FBXO38: variants seen among roughly 807,000 people sequenced by gnomAD.
FBXO38 encodes the protein F-box only protein 38.
Under a neutral mutation model 131.9 loss-of-function variants are expected in FBXO38, and 53 were observed. The observed-to-expected ratio is 0.40, with a 90% CI of 0.32 to 0.51. The LOEUF is 0.51. Among genes scored for constraint, FBXO38 ranks in the 20% least tolerant of loss-of-function variants. The pLI, the probability that FBXO38 is intolerant of heterozygous loss-of-function variation, is 0.53. For synonymous variants in FBXO38, 452 were observed against 505.6 expected (o/e 0.89, Z 1.42); for missense variants, 1,076 against 1,475.6 (o/e 0.73, Z 4.44).
chr5:148,417,646 T>C (rs1753139859), intron 12 of FBXO38, among the ~76,000 whole-genome samples: 1 of 152,158 alleles, frequency 6.6e-6, no homozygotes, highest in African/African-American at 2.4e-5. Flanking sequence ...AATCATTAGG[T>C]CTTCACTTCC....
intron 2 of FBXO38, among the ~76,000 whole-genome samples, chr5:148,398,012 G>A (rs1217333711): frequency 6.6e-6 from 1 of 152,098 alleles, no homozygotes; most frequent in Non-Finnish European, 1.5e-5. Flanking sequence ...TAGAAAGGCA[G>A]CATTGCCACC....
chr5:148,402,077 G>T lies in FBXO38; in HGVS notation c.358G>T (p.Val120Leu), dbSNP rs2113532084. The T allele has an allele frequency of 6.2e-7, 1 of 1,613,742 alleles. No individual in the cohort carries two copies. Among genetic ancestry groups the T allele is most frequent in the Non-Finnish European group, 8.5e-7 (1 of 1,179,690 alleles). Residue 120 changes from valine to leucine, a missense_variant, in exon 4 of 22, where the codon GTA becomes TTA. Val to Leu is a conservative substitution (Grantham distance 32, BLOSUM62 1). Transcript: ENST00000340253. ...CCCTCGATACCTTGAGAGGCGAAGA[G>T]TAAGGGGCCATGAGGCTTTTAGCAT... ...LHPRYLERRR[V>L]RGHEAFSIPG...
At chr5:148,433,552 A>C (rs1754164181) in intron 16 of FBXO38, 28 bp downstream of exon 16, 1 of 1,576,572 alleles carries the variant, frequency 6.3e-7, no homozygotes, top group Admixed American at 1.7e-5. Flanking sequence ...ACTTACCTTT[A>C]TCACAGTCTA....
intron 12 of FBXO38, among the ~76,000 whole-genome samples, chr5:148,421,602 T>C (rs536602445): frequency 2.1e-5 from 3 of 139,930 alleles, no homozygotes; most frequent in Admixed American, 7.1e-5. Context: ...TATTGATATT[T>C]GATTCTAAGT....
chr5:148,399,139 G>A lies in FBXO38; in HGVS notation c.262+7G>A, dbSNP rs2113522185. On this transcript the variant is annotated splice_region_variant and intron_variant, in intron 3 of 21. Coordinates refer to ENST00000340253, the MANE Select transcript of FBXO38 (RefSeq NM_205836.3). The stretch of plus-strand genomic sequence containing the variant: ...TGGGAATACATGCCAAGTGGTAAGT[G>A]GATTTAGTCTGTGAAGTACAGTAGT... 1 of 1,612,628 alleles carries A rather than the reference G, an allele frequency of 6.2e-7. No individual in the cohort carries two copies. The highest frequency in any genetic ancestry group is 8.5e-7 in the Non-Finnish European group (1 of 1,179,176).
intron 2 of FBXO38, among the ~76,000 whole-genome samples, chr5:148,397,968 A>G (rs1037677719): frequency 1.3e-5 from 2 of 152,178 alleles, no homozygotes; most frequent in South Asian, 2.1e-4. Context: ...CAAGTAAGGG[A>G]TGATGAAGAA....
intron 17 of FBXO38, among the ~76,000 whole-genome samples, chr5:148,435,830 G>GA (rs1306883254): frequency 6.6e-6 from 1 of 152,160 alleles, no homozygotes; most frequent in Non-Finnish European, 1.5e-5. Flanking sequence ...TGAACACTTA[G>GA]AGGCCATTGT....
chr5:148,387,627 G>T (rs1372160443), intron 1 of FBXO38, among the ~76,000 whole-genome samples: 1 of 150,470 alleles, frequency 6.6e-6, no homozygotes, highest in African/African-American at 2.4e-5. Flanking sequence ...TTTGAATTTA[G>T]TTTGCCCATA....
chr5:148,389,743 T>C (rs1317212620), intron 1 of FBXO38: 1 of 152,266 alleles, frequency 6.6e-6, no homozygotes, highest in Non-Finnish European at 1.5e-5. Context: ...TAAAAAGGGA[T>C]ACCGGCCGGG....
intron 8 of FBXO38, 149 bp from the exon 9 acceptor site, chr5:148,410,486 G>A: frequency 1.1e-6 from 1 of 933,046 alleles, no homozygotes; most frequent in Non-Finnish European, 1.6e-6. Context: ...ATGTGGAACT[G>A]TGAGTCCATT....
In FBXO38 at chr5:148,408,566, A is replaced by G. The variant is rs930723527; in HGVS notation, c.869-558A>G. On this transcript the variant is annotated intron_variant, in intron 7 of 21. Transcript: ENST00000340253. ...GAACAGACTACAGCTACACAGCGAT[A>G]TGGATGAATCTCATAAACAGAGTGT... Among the ~76,000 whole-genome samples the G allele has an allele frequency of 1.2e-4, 18 of 152,386 alleles. No homozygotes were observed. The Middle Eastern group carries it at 0.01, about 86-fold the overall frequency.
intron 6 of FBXO38, among the ~76,000 whole-genome samples, 172 bp from the exon 7 acceptor site, chr5:148,406,085 G>A (rs373890088): frequency 6.6e-6 from 1 of 152,210 alleles, no homozygotes; most frequent in Non-Finnish European, 1.5e-5. Context: ...CTGAGTAAGT[G>A]TATGGTTAAT....
intron 1 of FBXO38, among the ~76,000 whole-genome samples, chr5:148,391,490 G>T (rs189625151): frequency 3.9e-5 from 6 of 152,274 alleles, no homozygotes; most frequent in African/African-American, 1.4e-4. Context: ...CAGTTTTCTA[G>T]GCAAAGTAGG....
Position 148,394,750 on chromosome 5 carries a change from C to T in FBXO38, c.-27C>T. 6.1e-6 allele frequency: 9 copies of T among 1,478,090 alleles called. No individual in the cohort carries two copies. Among genetic ancestry groups the T allele is most frequent in the Non-Finnish European group, 8.1e-6 (9 of 1,112,164 alleles). 91.6% of individuals were successfully genotyped at this position (1,478,090 alleles called of 1,614,324 possible). On this transcript the variant is annotated 5_prime_UTR_variant, in exon 2 of 22. Transcript: ENST00000340253. ...TCAAGTAAACAAAAGGGAAGATTTT[C>T]TCGTTGATACTGGAGACTGCACAAC...
At chr5:148,418,625 T>G (rs1421065680) in intron 12 of FBXO38, among the ~76,000 whole-genome samples, 2 of 152,206 alleles carry the variant, frequency 1.3e-5, no homozygotes, top group African/African-American at 2.4e-5. Flanking sequence ...TCCTGAGTGC[T>G]ATGGTACATA....
At chr5:148,405,777 T>C (rs999702006) in intron 6 of FBXO38, among the ~76,000 whole-genome samples, 9 of 152,212 alleles carry the variant, frequency 5.9e-5, no homozygotes, top group South Asian at 2.1e-4. Flanking sequence ...GCAGATCTTA[T>C]TTTTACACTT....
chr5:148,439,779 G>A lies in FBXO38; in HGVS notation c.3157G>A (p.Ala1053Thr), dbSNP rs555917890. Residue 1053 changes from alanine to threonine, a missense_variant, in exon 19 of 22, where the codon GCA becomes ACA. Physicochemically the swap from Ala to Thr is moderately conservative, Grantham distance 58. Coordinates refer to ENST00000340253, the MANE Select transcript of FBXO38 (RefSeq NM_205836.3). Reference protein sequence around the residue: ...VRIRSWMDTIANINQELIKYE... With the variant: ...VRIRSWMDTITNINQELIKYE... ...CATTCGCAGCTGGATGGACACTATAGCAAACATCAATCAGTAAGTAACTTT... is the reference window on the plus strand; with the variant it reads ...CATTCGCAGCTGGATGGACACTATAACAAACATCAATCAGTAAGTAACTTT... The A allele has an allele frequency of 1.2e-6, 2 of 1,613,960 alleles. No individual in the cohort carries two copies. The highest frequency in any genetic ancestry group is 2.2e-5 in the South Asian group (2 of 91,072).
chr5:148,388,104 C>T (rs1226895537), intron 1 of FBXO38, among the ~76,000 whole-genome samples: 2 of 152,162 alleles, frequency 1.3e-5, no homozygotes, highest in African/African-American at 4.8e-5. Context: ...TATTAATCTC[C>T]TTGTGTATCT....
chr5:148,406,114 G>A (rs1388219297), intron 6 of FBXO38, 143 bp from the exon 7 acceptor site: 12 of 720,126 alleles, frequency 1.7e-5, no homozygotes, highest in African/African-American at 5.5e-5. Flanking sequence ...ACTTTCATTT[G>A]TAACAAGAAC....
Sources: allele counts gnomAD v4.1 joint callset (sites outside exome capture counted in the v4.1 genomes callset), GRCh38; gene constraint gnomAD v4.1.1; transcripts MANE v1.5; gene names NCBI Gene and HGNC (gene_info 2026-07-23, HGNC 2026-07-21).